Variants in CERS6 observed in about 807,000 individuals in gnomAD.
CERS6 encodes the protein ceramide synthase 6.
Under a neutral mutation model 56.8 loss-of-function variants are expected in CERS6, and 26 were observed. That is an observed-to-expected ratio of 0.46 (90% CI 0.34 to 0.63). The LOEUF (loss-of-function observed/expected upper bound fraction) is 0.63. Ranked by LOEUF, CERS6 falls within the 30% of genes least tolerant of loss-of-function variation. The pLI is 0.01. For synonymous variants in CERS6, 164 were observed against 173.3 expected, an observed-to-expected ratio of 0.95 and a Z score of 0.42; for missense variants, 415 against 467.5, an observed-to-expected ratio of 0.89 and a Z score of 1.04.
At chr2:168,631,479 ATAAT>A (rs1187874340) in intron 4 of CERS6, among the ~76,000 whole-genome samples, 7 of 124,600 alleles carry the variant, frequency 5.6e-5, no homozygotes, top group Admixed American at 5.2e-4. Context: ...TATATAATAT[ATAAT>A]ATATAAACTA....
intron 3 of CERS6, among the ~76,000 whole-genome samples, chr2:168,578,460 T>C (rs1177142774): frequency 6.6e-6 from 1 of 152,230 alleles, no homozygotes; most frequent in Non-Finnish European, 1.5e-5. Flanking sequence ...CTGTGCCACA[T>C]ACTGAAGATG....
chr2:168,631,776 A>C (rs1421845610), intron 4 of CERS6, among the ~76,000 whole-genome samples: 1 of 123,018 alleles, frequency 8.1e-6, no homozygotes, highest in African/African-American at 3.1e-5. Flanking sequence ...ATAATAAAGA[A>C]ATGTATATTT....
At chr2:168,590,929 G>T (rs1382958422) in intron 3 of CERS6, among the ~76,000 whole-genome samples, 2 of 152,226 alleles carry the variant, frequency 1.3e-5, no homozygotes, top group Admixed American at 1.3e-4. Flanking sequence ...TACTTATAGA[G>T]AGACAGGTGG....
intron 3 of CERS6, among the ~76,000 whole-genome samples, chr2:168,571,704 T>C (rs1695990402): frequency 6.6e-6 from 1 of 152,152 alleles, no homozygotes; most frequent in South Asian, 2.1e-4. Context: ...AATGGGTATA[T>C]GTATTTATGG....
At chr2:168,661,244 G>A (rs1685622073) in intron 4 of CERS6, among the ~76,000 whole-genome samples, 1 of 152,086 alleles carries the variant, frequency 6.6e-6, no homozygotes, top group Non-Finnish European at 1.5e-5. Context: ...ATTTAAACTC[G>A]CTATCATTGA....
At chr2:168,600,497 C>G (rs1342888484) in intron 3 of CERS6, among the ~76,000 whole-genome samples, 1 of 152,226 alleles carries the variant, frequency 6.6e-6, no homozygotes, top group East Asian at 1.9e-4. Context: ...AGCCACCACG[C>G]CCGGCCTGCC....
intron 8 of CERS6, among the ~76,000 whole-genome samples, chr2:168,734,836 C>T (rs1004271159): frequency 1.4e-4 from 22 of 152,196 alleles, no homozygotes; most frequent in Admixed American, 4.6e-4. Flanking sequence ...TCATTTCATG[C>T]CTTCTGCTAC....
intron 1 of CERS6, among the ~76,000 whole-genome samples, chr2:168,490,170 T>A (rs530413073): frequency 1.2e-4 from 19 of 152,312 alleles, no homozygotes; most frequent in African/African-American, 4.1e-4. Context: ...GCTATACTGT[T>A]CTAGATCTGT....
intron 1 of CERS6, among the ~76,000 whole-genome samples, chr2:168,527,022 A>G (rs1695083711): frequency 6.6e-6 from 1 of 152,152 alleles, no homozygotes; most frequent in Non-Finnish European, 1.5e-5. Context: ...TTTGTTTGTG[A>G]CACTGGGGCT....
chr2:168,552,748 C>CA (rs1695599265), intron 2 of CERS6, among the ~76,000 whole-genome samples: 1 of 152,132 alleles, frequency 6.6e-6, no homozygotes, highest in African/African-American at 2.4e-5. Context: ...TCATGGCAGC[C>CA]AGACTGGAAG....
chr2:168,529,740 G>A (rs1279713608), intron 1 of CERS6, among the ~76,000 whole-genome samples: 2 of 152,156 alleles, frequency 1.3e-5, no homozygotes, highest in East Asian at 3.8e-4. Flanking sequence ...AAGCAGTGAT[G>A]ATAATATCTA....
intron 2 of CERS6, among the ~76,000 whole-genome samples, chr2:168,554,880 A>G (rs563607668): frequency 1.3e-5 from 2 of 152,344 alleles, no homozygotes; most frequent in South Asian, 4.1e-4. Flanking sequence ...ACAATTCATG[A>G]TGAAGATAAA....
chr2:168,703,872 T>C (rs1686867177), intron 6 of CERS6, among the ~76,000 whole-genome samples: 1 of 152,206 alleles, frequency 6.6e-6, no homozygotes, highest in African/African-American at 2.4e-5. Flanking sequence ...ATCTTAGGCC[T>C]GTGTCCTGTT....
chr2:168,722,978 T>C (rs1269107871), intron 8 of CERS6, among the ~76,000 whole-genome samples: 1 of 152,158 alleles, frequency 6.6e-6, no homozygotes, highest in Non-Finnish European at 1.5e-5. Context: ...CCCCAGAAAG[T>C]GCAATTTTTA....
intron 4 of CERS6, among the ~76,000 whole-genome samples, chr2:168,657,900 G>GGACT (rs1428568479): frequency 6.6e-6 from 1 of 152,248 alleles, no homozygotes; most frequent in Non-Finnish European, 1.5e-5. Flanking sequence ...GTGCAGTGGG[G>GGACT]GACTGAAGGG....
At chr2:168,685,360 C>CATGT in intron 4 of CERS6, among the ~76,000 whole-genome samples, 3 of 152,158 alleles carry the variant, frequency 2.0e-5, no homozygotes, top group South Asian at 2.1e-4. Context: ...GAGAAAAGCA[C>CATGT]ATGTATGTAT....
At chr2:168,665,334 A>G (rs1293029264) in intron 4 of CERS6, among the ~76,000 whole-genome samples, 1 of 152,130 alleles carries the variant, frequency 6.6e-6, no homozygotes, top group Admixed American at 6.5e-5. Context: ...TACGGTGGGT[A>G]TAACATAAGT....
chr2:168,582,489 G>A (rs1419922314), intron 3 of CERS6, among the ~76,000 whole-genome samples: 2 of 151,982 alleles, frequency 1.3e-5, no homozygotes, highest in South Asian at 2.1e-4. Flanking sequence ...AGAGCAAGGG[G>A]TTTGTCTGAC....
chr2:168,720,035 A>G (rs1559066475), intron 8 of CERS6, among the ~76,000 whole-genome samples: 1 of 151,498 alleles, frequency 6.6e-6, no homozygotes, highest in Non-Finnish European at 1.5e-5. Flanking sequence ...TCCCAGGTTC[A>G]AGTGATTCTT....
Sources: gnomAD v4.1 joint callset for allele counts (sites outside exome capture counted in the v4.1 genomes callset) on GRCh38, gnomAD v4.1.1 for gene constraint, MANE v1.5 for transcripts, NCBI Gene and HGNC (gene_info 2026-07-23, HGNC 2026-07-21) for gene names.